RBFOX1: variants seen among roughly 807,000 people sequenced by gnomAD.
The protein encoded by RBFOX1 is RNA binding protein fox-1 homolog 1.
In RBFOX1, 8 loss-of-function variants were observed where a neutral mutation model predicts 57.7. The observed-to-expected ratio is 0.14, with a 90% CI of 0.08 to 0.25. The LOEUF (loss-of-function observed/expected upper bound fraction) is 0.25. Among genes scored for constraint, RBFOX1 ranks in the 10% least tolerant of loss-of-function variants. RBFOX1 has a pLI of 1.00. For missense variants in RBFOX1, 611 were observed against 548.5 expected, an observed-to-expected ratio of 1.11 and a Z score of -1.14; for synonymous variants, 326 against 222.4, an observed-to-expected ratio of 1.47 and a Z score of -4.15.
chr16:7,665,876 T>TTATTG (rs2069101554), intron 13 of RBFOX1, among the ~76,000 whole-genome samples: 1 of 152,218 alleles, frequency 6.6e-6, no homozygotes, highest in African/African-American at 2.4e-5. Flanking sequence ...AAGGCACTGA[T>TTATTG]TATTGTATTC....
intron 3 of RBFOX1, among the ~76,000 whole-genome samples, chr16:5,647,848 G>A (rs1358897761): frequency 6.6e-6 from 1 of 151,728 alleles, no homozygotes; most frequent in Non-Finnish European, 1.5e-5. Context: ...CTTGTAGGCT[G>A]TTTTGTTTTT....
intron 4 of RBFOX1, among the ~76,000 whole-genome samples, chr16:7,219,549 A>T (rs556413500): frequency 6.6e-6 from 1 of 152,306 alleles, no homozygotes; most frequent in South Asian, 2.1e-4. Flanking sequence ...AATATGACAG[A>T]CTTGCTATTT....
At chr16:5,725,632 C>T (rs932992878) in intron 3 of RBFOX1, among the ~76,000 whole-genome samples, 1 of 151,372 alleles carries the variant, frequency 6.6e-6, no homozygotes, top group South Asian at 2.1e-4. Context: ...TGCAAGAGTG[C>T]TCATAAGATC....
At chr16:7,238,018 G>T (rs999204711) in intron 4 of RBFOX1, among the ~76,000 whole-genome samples, 1 of 152,156 alleles carries the variant, frequency 6.6e-6, no homozygotes, top group Non-Finnish European at 1.5e-5. Context: ...AAAGAAAAGA[G>T]ATGCTGATAC....
intron 1 of RBFOX1, among the ~76,000 whole-genome samples, chr16:6,184,422 A>G (rs1161407387): frequency 6.6e-6 from 1 of 152,164 alleles, no homozygotes; most frequent in Non-Finnish European, 1.5e-5. Context: ...GGTAAATGGA[A>G]CAGAACTTGC....
At chr16:6,373,322 G>T (rs1169477491) in intron 2 of RBFOX1, among the ~76,000 whole-genome samples, 2 of 151,320 alleles carry the variant, frequency 1.3e-5, no homozygotes, top group African/African-American at 4.9e-5. Context: ...TGTGTAGGAG[G>T]ATGGTTGGGT....
chr16:7,109,171 T>A (rs930931906), intron 4 of RBFOX1, among the ~76,000 whole-genome samples: 5 of 152,332 alleles, frequency 3.3e-5, no homozygotes, highest in African/African-American at 9.6e-5. Flanking sequence ...TTTGGAAAGC[T>A]AATCTTAAAA....
chr16:7,035,944 A>G (rs916604579), intron 3 of RBFOX1, among the ~76,000 whole-genome samples: 1 of 152,182 alleles, frequency 6.6e-6, no homozygotes, highest in African/African-American at 2.4e-5. Flanking sequence ...CAACCCTTTC[A>G]GACAACTGAA....
At chr16:6,856,209 GC>G (rs2057871101) in intron 3 of RBFOX1, among the ~76,000 whole-genome samples, 1 of 151,656 alleles carries the variant, frequency 6.6e-6, no homozygotes, top group African/African-American at 2.4e-5. Flanking sequence ...CAGATACTGT[GC>G]CAGCCACGAG....
At chr16:6,652,946 T>C (rs1467114851) in intron 2 of RBFOX1, among the ~76,000 whole-genome samples, 1 of 152,184 alleles carries the variant, frequency 6.6e-6, no homozygotes, top group African/African-American at 2.4e-5. Flanking sequence ...CTCTGAGTGG[T>C]TTCTCACTGA....
chr16:7,130,280 C>G (rs1295570608), intron 4 of RBFOX1, among the ~76,000 whole-genome samples: 4 of 152,038 alleles, frequency 2.6e-5, no homozygotes, highest in Non-Finnish European at 5.9e-5. Flanking sequence ...GGTGATCTAC[C>G]CACATCAGCT....
At chr16:6,384,408 G>A (rs144999299) in intron 2 of RBFOX1, among the ~76,000 whole-genome samples, 100 of 152,230 alleles carry the variant, frequency 6.6e-4, no homozygotes, top group African/African-American at 2.4e-3. Context: ...TTCTGCTAGG[G>A]TGGCACCCAG....
intron 12 of RBFOX1, among the ~76,000 whole-genome samples, chr16:7,664,204 CAAAT>C (rs1338174876): frequency 3.9e-5 from 6 of 152,172 alleles, no homozygotes; most frequent in African/African-American, 1.4e-4. Context: ...ACACTATAGA[CAAAT>C]ACATGCATTC....
At chr16:7,589,606 G>C (rs963451416) in intron 7 of RBFOX1, among the ~76,000 whole-genome samples, 6 of 151,840 alleles carry the variant, frequency 4.0e-5, no homozygotes, top group African/African-American at 9.7e-5. Context: ...TGACTGTTTA[G>C]GTACTGCTGG....
chr16:5,349,775 G>A (rs976006032), intron 1 of RBFOX1, among the ~76,000 whole-genome samples: 12 of 152,342 alleles, frequency 7.9e-5, no homozygotes, highest in Non-Finnish European at 7.3e-5. Flanking sequence ...CCTGCATTTG[G>A]CGGGGACCAC....
At chr16:5,298,264 A>G (rs1464243206) in intron 1 of RBFOX1, among the ~76,000 whole-genome samples, 1 of 152,200 alleles carries the variant, frequency 6.6e-6, no homozygotes, top group East Asian at 1.9e-4. Context: ...AATAAAATAC[A>G]TTGTAGGCAG....
intron 11 of RBFOX1, 151 bp from the exon 12 acceptor site, chr16:7,653,664 C>T (rs534875589): frequency 1.5e-5 from 18 of 1,164,992 alleles, no homozygotes; most frequent in South Asian, 7.6e-5. Flanking sequence ...CCGTGCTGCT[C>T]TCTGCTTTTT....
chr16:6,205,018 C>G (rs891098451), intron 1 of RBFOX1, among the ~76,000 whole-genome samples: 1 of 152,106 alleles, frequency 6.6e-6, no homozygotes, highest in Non-Finnish European at 1.5e-5. Flanking sequence ...TTACCATAAA[C>G]CGATTGACTG....
chr16:5,584,771 T>C (rs2046779762), intron 2 of RBFOX1, among the ~76,000 whole-genome samples: 1 of 152,182 alleles, frequency 6.6e-6, no homozygotes. Flanking sequence ...TGCTTGGGCC[T>C]GTTTCTTGAT....
Sources: allele counts gnomAD v4.1 joint callset (sites outside exome capture counted in the v4.1 genomes callset), GRCh38; gene constraint gnomAD v4.1.1; transcripts MANE v1.5; gene names NCBI Gene and HGNC (gene_info 2026-07-23, HGNC 2026-07-21).